Variants in AMACR observed in about 807,000 individuals in gnomAD.
The protein encoded by AMACR is 2-methylacyl-CoA racemase.
Under a neutral mutation model 22.2 loss-of-function variants are expected in AMACR, and 18 were observed. The observed-to-expected ratio is 0.81, with a 90% CI of 0.56 to 1.20. The LOEUF is 1.20. Ranked by LOEUF, AMACR falls within the 50% of genes most tolerant of loss-of-function variation. The probability of loss-of-function intolerance (pLI) is 0.00; values close to 1 mark genes in which losing one functional copy is unlikely to be tolerated. For missense variants in AMACR, 499 were observed against 490.6 expected (o/e 1.02, Z -0.16); for synonymous variants, 213 against 191.3 (o/e 1.11, Z -0.94).
rs1424039305 is a variant in AMACR, at chr5:33,988,715, T to C, written c.*378A>G. On this transcript the variant is annotated 3_prime_UTR_variant, in exon 5 of 5. Coordinates refer to ENST00000335606, the MANE Select transcript of AMACR (RefSeq NM_014324.6). ...CCATACAATTTGTGGCATTTCCTCATTTTCTACATTGTAGAATCAAGAGTG... is the reference window on the plus strand; with the variant it reads ...CCATACAATTTGTGGCATTTCCTCACTTTCTACATTGTAGAATCAAGAGTG... 8.4e-6 allele frequency: 10 copies of C among 1,197,406 alleles called. No individual in the cohort carries two copies. The highest frequency in any genetic ancestry group is 1.0e-5 in the Non-Finnish European group (10 of 962,056). The allele number at this position is 1,197,406 out of a possible 1,614,324, so 74.2% of individuals were successfully genotyped here. A position where few individuals can be genotyped will look rare whatever the true frequency, so the allele number is the denominator to read the frequency against.
chr5:33,986,975 A>T lies in AMACR; in HGVS notation c.*2118T>A, dbSNP rs1753310807. ...TTCCTTGCTGGACCGAGTTCAAATGAAAAGTCTGAGTTGTAGGGAAAACAT... is the reference window on the plus strand; with the variant it reads ...TTCCTTGCTGGACCGAGTTCAAATGTAAAGTCTGAGTTGTAGGGAAAACAT... On this transcript the variant is annotated 3_prime_UTR_variant, in exon 5 of 5. Coordinates refer to ENST00000335606, the MANE Select transcript of AMACR (RefSeq NM_014324.6). 6.6e-6 allele frequency: 1 copy of T among 152,154 alleles called. No individual in the cohort carries two copies. 9.4% of individuals were successfully genotyped at this position (152,154 alleles called of 1,614,324 possible). A position where few individuals can be genotyped will look rare whatever the true frequency, so the allele number is the denominator to read the frequency against.
Position 33,989,142 on chromosome 5 carries a change from A to C in AMACR, c.1100T>G (p.Leu367Arg). 6.2e-7 allele frequency: 1 copy of C among 1,614,190 alleles called. No homozygotes were observed. The highest frequency in any genetic ancestry group is 8.5e-7 in the Non-Finnish European group (1 of 1,180,018). Residue 367 changes from leucine to arginine, a missense_variant, in exon 5 of 5, where the codon CTT (leucine) becomes CGT (arginine). Transcript: ENST00000335606. Reference protein sequence around the residue: ...FGFSREEIYQLNSDKIIESNK... With the variant: ...FGFSREEIYQRNSDKIIESNK... ...ACTTTCAATGATTTTATCTGAGTTA[A>C]GCTGATAAATCTCTTCGCGGCTGAA...
Position 34,005,729 on chromosome 5 carries a change from T to C in AMACR, c.391+27A>G, listed in dbSNP as rs368924773. On this transcript the variant is annotated intron_variant, in intron 2 of 4. Coordinates refer to ENST00000335606, the MANE Select transcript of AMACR (RefSeq NM_014324.6). ...AGATCTTGATGGAATAAATTAAAAG[T>C]GTAGACTAAATTTTTTTTCAACATA... 6.8e-6 allele frequency: 11 copies of C among 1,613,170 alleles called. No individual in the cohort carries two copies. The African/African-American group carries it at 1.3e-4, about 20-fold the overall frequency.
intron 1 of AMACR, 40 bp from the exon 2 acceptor site, chr5:34,005,939 T>C (rs1044741280): frequency 1.2e-6 from 2 of 1,610,686 alleles, no homozygotes; most frequent in South Asian, 1.1e-5. Context: ...AGAGTATGAA[T>C]TGAGGATGGA....
rs1753363287 is a variant in AMACR at position 33,988,400 on chromosome 5, CAGCCCAG to C, written c.*686_*692del. On this transcript the variant is annotated 3_prime_UTR_variant, in exon 5 of 5. Transcript: ENST00000335606. Reference sequence around the variant, plus strand: ...AAACACATGGAGAAAGGAAAGCTGACAGCCCAGAGACCCACGGGGAAACAGGCCCCGA... The same window carrying C: ...AAACACATGGAGAAAGGAAAGCTGACAGACCCACGGGGAAACAGGCCCCGA... 1 of 1,537,382 alleles carries C rather than the reference CAGCCCAG, an allele frequency of 6.5e-7. No homozygotes were observed. Among genetic ancestry groups the C allele is most frequent in the Non-Finnish European group, 8.7e-7 (1 of 1,146,964 alleles).
At chr5:34,005,982 G>T in intron 1 of AMACR, 83 bp from the exon 2 acceptor site, 1 of 1,482,522 alleles carries the variant, frequency 6.7e-7, no homozygotes, top group Non-Finnish European at 9.4e-7. Context: ...ACATAAAATA[G>T]CACCATTGCA....
At position 33,988,968 on chromosome 5, in the gene AMACR, T is replaced by C. The variant is rs1753382664; in HGVS notation, c.*125A>G. 6.6e-7 allele frequency: 1 copy of C among 1,516,492 alleles called. No homozygotes were observed. Among genetic ancestry groups the C allele is most frequent in the Admixed American group, 2.1e-5 (1 of 47,446 alleles). 93.9% of individuals were successfully genotyped at this position (1,516,492 alleles called of 1,614,324 possible). ...ACTGTAGAATCAGAGTCTGTAATTC[T>C]TTTCTTGATTAGAGTGGTAGGACAC... On this transcript the variant is annotated 3_prime_UTR_variant, in exon 5 of 5. Transcript: ENST00000335606.
At chr5:34,005,949 A>G in intron 1 of AMACR, 50 bp from the exon 2 acceptor site, 1 of 1,600,868 alleles carries the variant, frequency 6.2e-7, no homozygotes, top group Non-Finnish European at 8.6e-7. Context: ...TTGAGGATGG[A>G]GATAATCCCT....
intron 3 of AMACR, 97 bp from the exon 4 acceptor site, chr5:33,998,924 TTCTTA>T: frequency 2.5e-6 from 3 of 1,178,750 alleles, no homozygotes; most frequent in Admixed American, 1.9e-5. Flanking sequence ...TGCGTAAAAA[TTCTTA>T]TCTTAGAGTA....
chr5:34,002,890 C>A (rs1753860911), intron 3 of AMACR, among the ~76,000 whole-genome samples: 1 of 152,144 alleles, frequency 6.6e-6, no homozygotes, highest in Admixed American at 6.5e-5. Flanking sequence ...TGACAGTGTC[C>A]CACAGGCACA....
At chr5:33,996,972 C>T (rs1753656214) in intron 4 of AMACR, 3 of 580,266 alleles carry the variant, frequency 5.2e-6, no homozygotes, top group South Asian at 2.1e-5. Context: ...GGAGTTGTCA[C>T]ATTAAATTAT....
At position 34,007,528 on chromosome 5, in the gene AMACR, GAGTC is replaced by G. The variant is rs986613337; in HGVS notation, c.247+241_247+244del. ...GAAAAAAAAGGAGGAATTTGGGAAG[GAGTC>G]AGAGAGGCAAAAGGAGAAACCGGGC... On this transcript the variant is annotated intron_variant, in intron 1 of 4. Coordinates refer to ENST00000335606, the MANE Select transcript of AMACR (RefSeq NM_014324.6). 4.6e-4 allele frequency among the ~76,000 whole-genome samples: 70 copies of G among 152,330 alleles called. 1 individual carries two copies. The highest frequency in any genetic ancestry group is 1.5e-3 in the African/African-American group (62 of 41,580).
At chr5:33,989,534 T>C in intron 4 of AMACR, 32 bp from the exon 5 acceptor site, 1 of 1,555,586 alleles carries the variant, frequency 6.4e-7, no homozygotes, top group Non-Finnish European at 8.9e-7. Context: ...TAAATTATTA[T>C]GCTTTGAACA....
chr5:33,994,153 A>C (rs1015520464), intron 4 of AMACR: 4 of 438,584 alleles, frequency 9.1e-6, no homozygotes, highest in Non-Finnish European at 1.8e-5. Context: ...TTAGATATGT[A>C]ATTAGTACTA....
intron 4 of AMACR, among the ~76,000 whole-genome samples, chr5:33,991,713 T>A (rs923613907): frequency 8.2e-5 from 12 of 147,118 alleles, no homozygotes; most frequent in African/African-American, 3.0e-4. Context: ...AGGATGGCAA[T>A]TGTAAACACT....
intron 3 of AMACR, among the ~76,000 whole-genome samples, chr5:34,000,508 T>TC (rs1288711806): frequency 2.6e-5 from 4 of 152,098 alleles, no homozygotes; most frequent in Admixed American, 6.5e-5. Context: ...TAGGGTCTTT[T>TC]TTTTTTTGAA....
chr5:33,999,104 G>C (rs1238658529), intron 3 of AMACR, among the ~76,000 whole-genome samples: 1 of 152,198 alleles, frequency 6.6e-6, no homozygotes, highest in Non-Finnish European at 1.5e-5. Flanking sequence ...TTGGCAAAAT[G>C]CTAGTGATTT....
chr5:34,005,110 AT>A (rs1753931647), intron 2 of AMACR, among the ~76,000 whole-genome samples: 1 of 152,250 alleles, frequency 6.6e-6, no homozygotes, highest in South Asian at 2.1e-4. Flanking sequence ...AAAAAAAGGA[AT>A]TTAATTTTTA....
In AMACR at chr5:33,998,903, TA is replaced by T. The variant is rs200588721; in HGVS notation, c.553-77del. The T allele has an allele frequency of 1.6e-3, 2,366 of 1,449,530 alleles. 9 individuals carry two copies. The highest frequency in any genetic ancestry group is 2.1e-3 in the Non-Finnish European group (2,205 of 1,041,100). The allele number at this position is 1,449,530 out of a possible 1,614,324, so 89.8% of individuals were successfully genotyped here. A position where few individuals can be genotyped will look rare whatever the true frequency, so the allele number is the denominator to read the frequency against. ...CATGAATAATTCCTCCCATTCAAGT[TA>T]AAAAAAATTTGCGTAAAAATTCTTA... On this transcript the variant is annotated intron_variant, in intron 3 of 4. Transcript: ENST00000335606.
Sources: allele counts gnomAD v4.1 joint callset (sites outside exome capture counted in the v4.1 genomes callset), GRCh38; gene constraint gnomAD v4.1.1; transcripts MANE v1.5; gene names NCBI Gene and HGNC (gene_info 2026-07-23, HGNC 2026-07-21).